The following SYNE2 variants were observed in gnomAD, a reference collection of about 807,000 sequenced individuals.
SYNE2 encodes the protein spectrin repeat containing nuclear envelope protein 2.
Under a neutral mutation model 856.3 loss-of-function variants are expected in SYNE2, and 431 were observed. The ratio of observed to expected loss-of-function variants is 0.50; its 90% CI spans 0.47 to 0.55. The LOEUF is 0.55. Among genes scored for constraint, SYNE2 ranks in the 20% least tolerant of loss-of-function variants. The pLI, the probability that SYNE2 is intolerant of heterozygous loss-of-function variation, is 0.00. For synonymous variants in SYNE2, 2,923 were observed against 2,872.3 expected, an observed-to-expected ratio of 1.02 and a Z score of -0.56; for missense variants, 8,129 against 8,023.2, an observed-to-expected ratio of 1.01 and a Z score of -0.50.
chr14:63,883,566 G>A (rs992839727), intron 1 of SYNE2, among the ~76,000 whole-genome samples: 1 of 152,178 alleles, frequency 6.6e-6, no homozygotes, highest in African/African-American at 2.4e-5. Flanking sequence ...ATGTTGTCCA[G>A]GCTGGTCTTG....
intron 87 of SYNE2, among the ~76,000 whole-genome samples, chr14:64,159,723 C>T (rs1466624270): frequency 6.6e-6 from 1 of 152,134 alleles, no homozygotes; most frequent in Non-Finnish European, 1.5e-5. Flanking sequence ...ATGTCAAGTT[C>T]GATCTCGGAA....
rs79865090 is a variant in SYNE2 at position 64,022,685 on chromosome 14, C to T, written c.5525-66C>T. 1.7e-3 allele frequency: 1,497 copies of T among 861,712 alleles called. 29 individuals carry two copies. The East Asian group carries it at 0.036, about 20-fold the overall frequency. 53.4% of individuals were successfully genotyped at this position (861,712 alleles called of 1,614,324 possible). On this transcript the variant is annotated intron_variant, in intron 37 of 115. Coordinates refer to ENST00000555002, the MANE Select transcript of SYNE2 (RefSeq NM_182914.3). Reference sequence around the variant, plus strand: ...TGGCATGGGAAACAAGTTTCAAAATCTCTCACTTTAACAAGATGTATGAAG... The same window carrying T: ...TGGCATGGGAAACAAGTTTCAAAATTTCTCACTTTAACAAGATGTATGAAG...
intron 1 of SYNE2, among the ~76,000 whole-genome samples, chr14:63,884,240 G>A (rs1177159739): frequency 2.6e-5 from 4 of 152,182 alleles, no homozygotes; most frequent in Non-Finnish European, 4.4e-5. Flanking sequence ...GCCTTCCGGG[G>A]GCACTTGGAG....
intron 1 of SYNE2, among the ~76,000 whole-genome samples, chr14:63,825,472 A>G (rs117780870): frequency 2.8e-4 from 42 of 152,320 alleles, no homozygotes; most frequent in Non-Finnish European, 4.3e-4. Flanking sequence ...TCAAGAAATT[A>G]CAATTGGAAA....
chr14:64,070,926 A>G lies in SYNE2; in HGVS notation c.10697+16A>G. 1 of 1,614,018 alleles carries G rather than the reference A, an allele frequency of 6.2e-7. No individual in the cohort carries two copies. The highest frequency in any genetic ancestry group is 8.5e-7 in the Non-Finnish European group (1 of 1,179,902). On this transcript the variant is annotated intron_variant, in intron 52 of 115. Coordinates refer to ENST00000555002, the MANE Select transcript of SYNE2 (RefSeq NM_182914.3). The stretch of plus-strand genomic sequence containing the variant: ...GATGCAACAAGTAAGATTTATGAAA[A>G]ACTATTAAGGACGTGTGCTTGACAA...
At chr14:63,942,618 C>T (rs2095938786) in intron 6 of SYNE2, among the ~76,000 whole-genome samples, 1 of 152,134 alleles carries the variant, frequency 6.6e-6, no homozygotes, top group Admixed American at 6.5e-5. Context: ...GCCTCAGCCT[C>T]CCGAGTAGCT....
intron 1 of SYNE2, among the ~76,000 whole-genome samples, chr14:63,802,597 T>C (rs561981569): frequency 1.3e-5 from 2 of 152,280 alleles, no homozygotes; most frequent in Admixed American, 6.5e-5. Context: ...AGTGGAATGA[T>C]ATGGTTTGAT....
rs563193644 is a variant in SYNE2 at position 64,080,224 on chromosome 14, C to G, written c.11164-232C>G. Reference sequence around the variant, plus strand: ...AAAAATGTCCAGGTCTTTCTGTTCCCCTACAGCTAATTTGTAGTGAAATGA... The same window carrying G: ...AAAAATGTCCAGGTCTTTCTGTTCCGCTACAGCTAATTTGTAGTGAAATGA... On this transcript the variant is annotated intron_variant, in intron 55 of 115. Coordinates refer to ENST00000555002, the MANE Select transcript of SYNE2 (RefSeq NM_182914.3). Among the ~76,000 whole-genome samples, 7 of 152,180 alleles carry G rather than the reference C, an allele frequency of 4.6e-5. No individual in the cohort carries two copies. The South Asian group carries it at 1.5e-3, about 32-fold the overall frequency.
intron 49 of SYNE2, among the ~76,000 whole-genome samples, chr14:64,057,205 A>G (rs2097278333): frequency 6.6e-6 from 1 of 152,050 alleles, no homozygotes; most frequent in Non-Finnish European, 1.5e-5. Context: ...TGGTGCTATC[A>G]ATACTAGATC....
At chr14:64,170,593 A>T in intron 94 of SYNE2, 131 bp downstream of exon 94, 1 of 925,734 alleles carries the variant, frequency 1.1e-6, no homozygotes, top group Non-Finnish European at 1.7e-6. Flanking sequence ...GAGGCCAGCA[A>T]GGTGCAGTCA....
chr14:64,078,582 T>G lies in SYNE2; in HGVS notation c.11139T>G (p.Ile3713Met), dbSNP rs755177395. 3 of 1,614,118 alleles carry G rather than the reference T, an allele frequency of 1.9e-6. No individual in the cohort carries two copies. The highest frequency in any genetic ancestry group is 1.7e-5 in the Admixed American group (1 of 60,030). ...TGTTGCAGCAGAAAAGCAAAAATATTGAGAAAGCTCAAGAAATTCAAAAGG... is the reference window on the plus strand; with the variant it reads ...TGTTGCAGCAGAAAAGCAAAAATATGGAGAAAGCTCAAGAAATTCAAAAGG... ...EKMLQQKSKN[I>M]EKAQEIQKKM... The change falls in exon 55 of 116, where the codon ATT (isoleucine) becomes ATG (methionine). Residue 3713 changes from isoleucine (I) to methionine (M), a missense_variant. Coordinates refer to ENST00000555002, the MANE Select transcript of SYNE2 (RefSeq NM_182914.3).
At chr14:64,128,373 T>G (rs2097971744) in intron 73 of SYNE2, 79 bp from the exon 74 acceptor site, 2 of 790,760 alleles carry the variant, frequency 2.5e-6, no homozygotes, top group East Asian at 5.1e-5. Context: ...GTCACAAAAA[T>G]TATAAAAACC....
chr14:64,059,601 T>A (rs184963620), intron 49 of SYNE2, among the ~76,000 whole-genome samples: 1 of 152,082 alleles, frequency 6.6e-6, no homozygotes, highest in Admixed American at 6.5e-5. Context: ...CTACAGAGAG[T>A]GTACTGAATC....
rs768447704 is a variant in SYNE2, at chr14:64,000,644, A to G, written c.3563A>G (p.Lys1188Arg). The change falls in exon 28 of 116, where the codon AAA (lysine) becomes AGA (arginine). Residue 1188 changes from lysine to arginine, a missense_variant. This residue lies in a region of SYNE2 where 2,422 missense variants were observed against 2,357.4 expected (regional missense o/e 1.03). Coordinates refer to ENST00000555002, the MANE Select transcript of SYNE2 (RefSeq NM_182914.3). The part of the protein sequence containing the change: ...LKLENHVNDI[K>R]KPFVIKERDT... ...TTAGAAAATCATGTGAATGACATAA[A>G]AAAGCCTTTTGTAATTAAGGAAAGA... 1.9e-6 allele frequency: 3 copies of G among 1,613,484 alleles called. No homozygotes were observed. Among genetic ancestry groups the G allele is most frequent in the Admixed American group, 3.3e-5 (2 of 59,964 alleles).
At chr14:64,167,663 C>T in intron 92 of SYNE2, 24 bp downstream of exon 92, 1 of 1,614,040 alleles carries the variant, frequency 6.2e-7, no homozygotes, top group Non-Finnish European at 8.5e-7. Context: ...CTCTGCCACC[C>T]TTGAACCGCT....
intron 1 of SYNE2, among the ~76,000 whole-genome samples, chr14:63,860,257 C>A (rs118024635): frequency 0.021 from 3,084 of 148,434 alleles, 41 homozygotes; most frequent in Middle Eastern, 0.034. Flanking sequence ...TTACAATATT[C>A]AGAGCACCTG....
chr14:64,097,175 A>G (rs532427131), intron 61 of SYNE2, among the ~76,000 whole-genome samples: 1 of 152,260 alleles, frequency 6.6e-6, no homozygotes, highest in East Asian at 1.9e-4. Flanking sequence ...CATATCAATA[A>G]TATAAATGTT....
chr14:63,981,592 T>C (rs763592574), intron 16 of SYNE2, among the ~76,000 whole-genome samples: 2 of 152,232 alleles, frequency 1.3e-5, no homozygotes, highest in African/African-American at 2.4e-5. Flanking sequence ...AGCTCTAAAA[T>C]CTTCCTGAGT....
intron 1 of SYNE2, among the ~76,000 whole-genome samples, chr14:63,818,935 T>A (rs927072171): frequency 6.6e-6 from 1 of 151,922 alleles, no homozygotes; most frequent in African/African-American, 2.4e-5. Flanking sequence ...CCTGACTTCG[T>A]GATCCGCCAG....
Sources: allele counts gnomAD v4.1 joint callset (sites outside exome capture counted in the v4.1 genomes callset), GRCh38; gene constraint gnomAD v4.1.1; regional missense constraint gnomAD v4.1.1; transcripts MANE v1.5; gene names NCBI Gene and HGNC (gene_info 2026-07-23, HGNC 2026-07-21).